PRC1: variants seen among roughly 807,000 people sequenced by gnomAD.
PRC1 encodes the protein anaphase spindle elongation 1 homolog.
Under a neutral mutation model 91.2 loss-of-function variants are expected in PRC1, and 54 were observed. The ratio of observed to expected loss-of-function variants is 0.59; its 90% confidence interval spans 0.48 to 0.74. PRC1 has a LOEUF of 0.74. Among genes scored for constraint, PRC1 ranks in the 30% least tolerant of loss-of-function variants. The pLI is 0.00. For synonymous variants in PRC1, 275 were observed against 263.6 expected (o/e 1.04, Z -0.42); for missense variants, 727 against 746.2 (o/e 0.97, Z 0.30).
Position 90,984,578 on chromosome 15 carries a change from AGAGCCTGTGCT to A in PRC1, c.144+104_144+114del. 1 of 1,442,374 alleles carries A rather than the reference AGAGCCTGTGCT, an allele frequency of 6.9e-7. No homozygotes were observed. Among genetic ancestry groups the A allele is most frequent in the Non-Finnish European group, 9.4e-7 (1 of 1,068,740 alleles). The allele number at this position is 1,442,374 out of a possible 1,614,324, so 89.3% of individuals were successfully genotyped here. A position where few individuals can be genotyped will look rare whatever the true frequency, so the allele number is the denominator to read the frequency against. On this transcript the variant is annotated intron_variant, in intron 2 of 14. Coordinates refer to ENST00000394249, the MANE Select transcript of PRC1 (RefSeq NM_003981.4). The surrounding 1 kb of genome is among the most constrained non-coding windows in gnomAD (Gnocchi z 5.1). The stretch of plus-strand genomic sequence containing the variant: ...CAAAACCAAACCAAACCAAACAGGA[AGAGCCTGTGCT>A]ATCCTAATGCCGATGATCACATGTC...
At chr15:90,993,739 A>G (rs2040117397) in intron 1 of PRC1, among the ~76,000 whole-genome samples, 1 of 152,194 alleles carries the variant, frequency 6.6e-6, no homozygotes, top group Admixed American at 6.5e-5. Flanking sequence ...AAAGAAACAA[A>G]GCTATCTTTC....
intron 11 of PRC1, chr15:90,973,014 T>C (rs1049356335): frequency 6.6e-6 from 1 of 152,266 alleles, no homozygotes; most frequent in Non-Finnish European, 1.5e-5. Flanking sequence ...ACTGTCACTA[T>C]AGGCCGCTAC....
At chr15:90,979,354 A>G in intron 7 of PRC1, 60 bp from the exon 8 acceptor site, 2 of 1,535,802 alleles carry the variant, frequency 1.3e-6, no homozygotes, top group South Asian at 1.2e-5. Context: ...ATCCAATTTT[A>G]CGAATCCCCG....
chr15:90,969,680 C>T (rs1043700137), intron 12 of PRC1, 57 bp from the exon 13 acceptor site: 1 of 1,487,516 alleles, frequency 6.7e-7, no homozygotes, highest in Non-Finnish European at 9.1e-7. Context: ...TGCACACGCA[C>T]ACACAATACC....
At chr15:90,970,259 T>C in intron 12 of PRC1, 145 bp downstream of exon 12, 4 of 655,952 alleles carry the variant, frequency 6.1e-6, no homozygotes, top group Non-Finnish European at 1.1e-5. Flanking sequence ...TATTTAATGG[T>C]GAGCTAGCTT....
chr15:90,980,512 C>CT (rs35250469), intron 6 of PRC1, 123 bp from the exon 7 acceptor site: 26,474 of 486,896 alleles, frequency 0.054, 93 homozygotes, highest in Non-Finnish European at 0.058. Context: ...TAAATCAACA[C>CT]TTTTTTTTTT....
At chr15:90,992,243 G>T (rs2040020899) in intron 1 of PRC1, among the ~76,000 whole-genome samples, 1 of 151,976 alleles carries the variant, frequency 6.6e-6, no homozygotes. Flanking sequence ...TCTCTACATA[G>T]CACTTACCAC....
At chr15:90,967,847 A>G (rs1424947543) in intron 14 of PRC1, 1 of 985,340 alleles carries the variant, frequency 1.0e-6, no homozygotes, top group Non-Finnish European at 1.2e-6. Flanking sequence ...TCTACTTCAC[A>G]GAGCTACTTT....
chr15:90,985,513 G>A (rs528507333), intron 1 of PRC1, among the ~76,000 whole-genome samples: 7 of 151,162 alleles, frequency 4.6e-5, no homozygotes, highest in African/African-American at 7.3e-5. Flanking sequence ...TTACATATGT[G>A]AGCCACTGTG....
At chr15:90,976,275 G>T (rs937083693) in intron 9 of PRC1, among the ~76,000 whole-genome samples, 13 of 150,440 alleles carry the variant, frequency 8.6e-5, no homozygotes, top group Non-Finnish European at 1.8e-4. Context: ...TTTTAGTAGA[G>T]ACCAGGCTGG....
At chr15:90,975,471 G>C (rs941962099) in intron 9 of PRC1, among the ~76,000 whole-genome samples, 2 of 152,114 alleles carry the variant, frequency 1.3e-5, no homozygotes, top group African/African-American at 4.8e-5. Flanking sequence ...AGGATTAGAC[G>C]AATCACTAAA....
chr15:90,968,758 G>T, intron 14 of PRC1: 2 of 1,172,122 alleles, frequency 1.7e-6, no homozygotes, highest in Non-Finnish European at 2.1e-6. Context: ...TTCCCCATGT[G>T]ATTGGGGGCC....
intron 14 of PRC1, 70 bp downstream of exon 14, chr15:90,969,009 C>T (rs2037802977): frequency 1.2e-6 from 2 of 1,611,464 alleles, no homozygotes; most frequent in Non-Finnish European, 1.7e-6. Flanking sequence ...TAGCCCTGTG[C>T]CCAGATGAAT....
intron 6 of PRC1, 177 bp from the exon 7 acceptor site, chr15:90,980,566 A>G: frequency 1.3e-6 from 1 of 774,564 alleles, no homozygotes; most frequent in Non-Finnish European, 2.0e-6. Context: ...TCGCCCAGAC[A>G]GGAGTGCAGT....
chr15:90,988,150 C>T (rs2039717691), intron 1 of PRC1: 1 of 152,080 alleles, frequency 6.6e-6, no homozygotes, highest in South Asian at 2.1e-4. Flanking sequence ...AAAGAGCTTC[C>T]CCAGGCAAAC....
intron 3 of PRC1, among the ~76,000 whole-genome samples, chr15:90,983,337 T>C (rs1022866431): frequency 2.6e-5 from 4 of 152,204 alleles, no homozygotes; most frequent in Non-Finnish European, 2.9e-5. Context: ...GCTCCACATC[T>C]GTCCTAATTT....
In PRC1 at chr15:90,974,309, C is replaced by T; in HGVS notation, c.1351-63G>A. On this transcript the variant is annotated intron_variant, in intron 10 of 14. Coordinates refer to ENST00000394249, the MANE Select transcript of PRC1 (RefSeq NM_003981.4). This position sits in a 1 kb window ranked among gnomAD's most constrained non-coding sequence, Gnocchi z 4.6. Reference sequence around the variant, plus strand: ...GAAGAGAGCGGGTCTGGGATGGCAACAGCAGCAGGGCCGGGAATCTAGGCC... The same window carrying T: ...GAAGAGAGCGGGTCTGGGATGGCAATAGCAGCAGGGCCGGGAATCTAGGCC... 4 of 1,411,946 alleles carry T rather than the reference C, an allele frequency of 2.8e-6. No individual in the cohort carries two copies. Among genetic ancestry groups the T allele is most frequent in the Non-Finnish European group, 2.0e-6 (2 of 1,001,798 alleles). The allele number at this position is 1,411,946 out of a possible 1,614,324, so 87.5% of individuals were successfully genotyped here.
chr15:90,973,849 T>C (rs947763756), intron 11 of PRC1, among the ~76,000 whole-genome samples: 36 of 151,956 alleles, frequency 2.4e-4, no homozygotes, highest in Non-Finnish European at 4.4e-4. Context: ...TATCACCCTG[T>C]CCTCCTGCCG....
chr15:90,980,335 CT>C lies in PRC1; in HGVS notation c.876del (p.Val293Ter). On this transcript the variant is annotated frameshift_variant, in exon 7 of 15. Transcript: ENST00000394249. LOFTEE classifies it high-confidence loss of function. Reference protein sequence around the residue: ...LEELKMQNMKKVIEAIRVELV... With the variant: ...LEELKMQNMKXVIEAIRVELV... Reference sequence around the variant, plus strand: ...AGCTCCACTCGAATTGCCTCAATCACTTTCTTCATGTTTTGCATTTTCAGTT... The same window carrying C: ...AGCTCCACTCGAATTGCCTCAATCACTTCTTCATGTTTTGCATTTTCAGTT... 1 of 1,614,146 alleles carries C rather than the reference CT, an allele frequency of 6.2e-7. No homozygotes were observed. Among genetic ancestry groups the C allele is most frequent in the Non-Finnish European group, 8.5e-7 (1 of 1,180,024 alleles).
Sources: allele counts gnomAD v4.1 joint callset (sites outside exome capture counted in the v4.1 genomes callset), GRCh38; gene constraint gnomAD v4.1.1; non-coding constraint Gnocchi (gnomAD v3.1); transcripts MANE v1.5; gene names NCBI Gene and HGNC (gene_info 2026-07-23, HGNC 2026-07-21).